The following FCSK variants were observed in gnomAD, a reference collection of about 807,000 sequenced individuals.
FCSK encodes fucose kinase, also known as L-fucose kinase.
FCSK carries 123 observed loss-of-function variants against 122.5 expected under a neutral mutation model. That is an observed-to-expected ratio of 1.00 (90% CI 0.87 to 1.17). The LOEUF is 1.17. FCSK is among the 50% of genes most tolerant of loss of function. FCSK has a pLI of 0.00. For missense variants in FCSK, 1,366 were observed against 1,450.4 expected (o/e 0.94, Z 0.95); for synonymous variants, 620 against 625.5 (o/e 0.99, Z 0.13).
At chr16:70,462,806 G>A (rs943047246) in intron 1 of FCSK, among the ~76,000 whole-genome samples, 8 of 150,960 alleles carry the variant, frequency 5.3e-5, no homozygotes, top group East Asian at 3.9e-4. Flanking sequence ...CGCCACACCC[G>A]GCTAATTTTT....
At chr16:70,478,229 T>C (rs370160158) in intron 20 of FCSK, 43 bp from the exon 21 acceptor site, 2 of 1,599,046 alleles carry the variant, frequency 1.3e-6, no homozygotes, top group African/African-American at 2.7e-5. Context: ...AGAGTGAAGC[T>C]GGGCCAGATA....
In FCSK at chr16:70,475,732, A is replaced by C; in HGVS notation, c.2606A>C (p.His869Pro). Reference protein sequence around the residue: ...GRVVGTEALIHAVLHLEQVLT... With the variant: ...GRVVGTEALIPAVLHLEQVLT... The stretch of plus-strand genomic sequence containing the variant: ...GTGGTGGGCACGGAAGCCCTGATCC[A>C]CGCAGTGCTGCACCTGGAGCAGGTG... The change falls in exon 20 of 24, where the codon CAC (histidine) becomes CCC (proline). Residue 869 changes from histidine to proline, a missense_variant. Physicochemically the swap from His to Pro is moderately conservative, Grantham distance 77. Coordinates refer to ENST00000288078, the MANE Select transcript of FCSK (RefSeq NM_145059.3). 5.0e-6 allele frequency: 8 copies of C among 1,602,590 alleles called. No individual in the cohort carries two copies. Among genetic ancestry groups the C allele is most frequent in the Non-Finnish European group, 6.8e-6 (8 of 1,174,928 alleles).
At chr16:70,471,969 C>A (rs1233762231) in intron 13 of FCSK, among the ~76,000 whole-genome samples, 1 of 152,102 alleles carries the variant, frequency 6.6e-6, no homozygotes, top group Admixed American at 6.6e-5. Flanking sequence ...CCACGCCTGG[C>A]AAATTTTTTT....
In FCSK at chr16:70,478,425, C is replaced by T; in HGVS notation, c.2795C>T (p.Thr932Ile). The T allele has an allele frequency of 6.2e-7, 1 of 1,614,146 alleles. No individual in the cohort carries two copies. Among genetic ancestry groups the T allele is most frequent in the Non-Finnish European group, 8.5e-7 (1 of 1,180,048 alleles). The change falls in exon 21 of 24, where the codon ACT becomes ATT. Residue 932 changes from threonine (T) to isoleucine (I), a missense_variant. Physicochemically the swap from Thr to Ile is moderately conservative, Grantham distance 89. Coordinates refer to ENST00000288078, the MANE Select transcript of FCSK (RefSeq NM_145059.3). ...KLNDHLLLVY[T>I]GKTRLARNLL... Reference sequence around the variant, plus strand: ...AATGACCACCTGCTCTTGGTGTACACTGGCAAGACCCGCCTGGCTCGGAAC... The same window carrying T: ...AATGACCACCTGCTCTTGGTGTACATTGGCAAGACCCGCCTGGCTCGGAAC...
At position 70,463,723 on chromosome 16, in the gene FCSK, C is replaced by T; in HGVS notation, c.183C>T (p.Leu61=). Residue 61 remains leucine (L), a synonymous_variant, in exon 3 of 24, where the codon CTC becomes CTT. Coordinates refer to ENST00000288078, the MANE Select transcript of FCSK (RefSeq NM_145059.3). Reference sequence around the variant, plus strand: ...GTGTGGGCAGCGGAGGAGCCACCCTCAACGCCCTGCTGGTGGCTGCTGAAC... The same window carrying T: ...GTGTGGGCAGCGGAGGAGCCACCCTTAACGCCCTGCTGGTGGCTGCTGAAC... The part of the protein sequence containing the change: ...EKRVGSGGAT[L]NALLVAAEHL... The T allele has an allele frequency of 1.2e-6, 2 of 1,612,640 alleles. No individual in the cohort carries two copies. Among genetic ancestry groups the T allele is most frequent in the Non-Finnish European group, 1.7e-6 (2 of 1,179,968 alleles).
intron 22 of FCSK, 137 bp from the exon 23 acceptor site, chr16:70,479,043 T>G: frequency 1.4e-6 from 1 of 712,040 alleles, no homozygotes; most frequent in East Asian, 2.7e-5. Flanking sequence ...GGGTTACTCC[T>G]GGCTCCAGCC....
At chr16:70,464,792 C>T (rs1291545934) in intron 3 of FCSK, among the ~76,000 whole-genome samples, 2 of 151,894 alleles carry the variant, frequency 1.3e-5, no homozygotes, top group South Asian at 2.1e-4. Context: ...GTGGGAGGCT[C>T]GCTTGAGCCC....
At position 70,471,021 on chromosome 16, in the gene FCSK, G is replaced by C. The variant is rs375278651; in HGVS notation, c.1119G>C (p.Glu373Asp). The C allele has an allele frequency of 6.2e-7, 1 of 1,602,856 alleles. No individual in the cohort carries two copies. The highest frequency in any genetic ancestry group is 1.1e-5 in the South Asian group (1 of 89,404). Residue 373 changes from glutamate (E) to aspartate (D), a missense_variant, in exon 12 of 24, where the codon GAG becomes GAC. Glu to Asp is a conservative substitution (Grantham distance 45). Coordinates refer to ENST00000288078, the MANE Select transcript of FCSK (RefSeq NM_145059.3). ...AGSSVVSCLL[E>D]GPVQLGPGSV... Reference sequence around the variant, plus strand: ...GCTCTGTGGTCAGCTGCCTGCTGGAGGGCCCTGTCCAGCTGGGTCCTGGGA... The same window carrying C: ...GCTCTGTGGTCAGCTGCCTGCTGGACGGCCCTGTCCAGCTGGGTCCTGGGA...
chr16:70,472,538 C>T lies in FCSK; in HGVS notation c.1342-3C>T. ...GCCCTGACTGCTTCTTCCTCTCCCCCAGAGACAGGGGGCAGGCACATATCT... is the reference window on the plus strand; with the variant it reads ...GCCCTGACTGCTTCTTCCTCTCCCCTAGAGACAGGGGGCAGGCACATATCT... On this transcript the variant is annotated splice_region_variant and splice_polypyrimidine_tract_variant and intron_variant, in intron 13 of 23. Coordinates refer to ENST00000288078, the MANE Select transcript of FCSK (RefSeq NM_145059.3). 1.9e-6 allele frequency: 3 copies of T among 1,611,796 alleles called. No individual in the cohort carries two copies. Among genetic ancestry groups the T allele is most frequent in the Non-Finnish European group, 1.7e-6 (2 of 1,178,824 alleles).
Position 70,468,853 on chromosome 16 carries a change from CTG to C in FCSK, c.669_670del (p.Val225CysfsTer42), listed in dbSNP as rs781367500. On this transcript the variant is annotated frameshift_variant, in exon 9 of 24. Coordinates refer to ENST00000288078, the MANE Select transcript of FCSK (RefSeq NM_145059.3). LOFTEE classifies it high-confidence loss of function. ...TCCTTTTGGGGTCCCTTCCAGGTCT[CTG>C]GGGTTGTCTTCTTCTCTGTGGAGAC... is the stretch of plus-strand genomic sequence containing the variant. The C allele has an allele frequency of 1.1e-5, 18 of 1,613,932 alleles. No individual in the cohort carries two copies. The South Asian group carries it at 1.2e-4, about 11-fold the overall frequency.
Position 70,473,715 on chromosome 16 carries a change from C to T in FCSK, c.1777+362C>T, listed in dbSNP as rs532674092. 6.6e-6 allele frequency among the ~76,000 whole-genome samples: 1 copy of T among 152,278 alleles called. No homozygotes were observed. The highest frequency in any genetic ancestry group is 2.4e-5 in the African/African-American group (1 of 41,548). The stretch of plus-strand genomic sequence containing the variant: ...GGACATGGTCATCTCTGCATGAGGT[C>T]CCAAGCACACTTCCGGGGGCTCACA... On this transcript the variant is annotated intron_variant, in intron 15 of 23. Coordinates refer to ENST00000288078, the MANE Select transcript of FCSK (RefSeq NM_145059.3). This position sits in a 1 kb window ranked among gnomAD's most constrained non-coding sequence, Gnocchi z 4.9.
chr16:70,471,141 G>A (rs778827411), intron 12 of FCSK, 41 bp from the exon 13 acceptor site: 19 of 1,591,940 alleles, frequency 1.2e-5, no homozygotes, highest in South Asian at 1.1e-4. Context: ...GGGGGTGTTG[G>A]GTGCCTGCCC....
chr16:70,466,317 G>C (rs1448677156), intron 5 of FCSK, 60 bp downstream of exon 5: 1 of 1,598,704 alleles, frequency 6.3e-7, no homozygotes, highest in African/African-American at 1.3e-5. Flanking sequence ...CCCTCCCACT[G>C]TTCCCCCAGG....
At position 70,463,251 on chromosome 16, in the gene FCSK, A is replaced by G; in HGVS notation, c.61A>G (p.Ser21Gly). 6.2e-7 allele frequency: 1 copy of G among 1,613,960 alleles called. No homozygotes were observed. The highest frequency in any genetic ancestry group is 1.7e-5 in the Admixed American group (1 of 60,006). The part of the protein sequence containing the change: ...VIILTCQYKD[S>G]VQVFQRELEV... ...CATCCTGACCTGCCAGTACAAGGACAGTGTCCAGGTCTTTCAGAGAGGTAG... is the reference window on the plus strand; with the variant it reads ...CATCCTGACCTGCCAGTACAAGGACGGTGTCCAGGTCTTTCAGAGAGGTAG... Residue 21 changes from serine (S) to glycine (G), a missense_variant, in exon 2 of 24, where the codon AGT becomes GGT. Transcript: ENST00000288078.
At chr16:70,467,315 G>A in intron 6 of FCSK, 59 bp from the exon 7 acceptor site, 2 of 1,250,354 alleles carry the variant, frequency 1.6e-6, no homozygotes, top group East Asian at 5.0e-5. Flanking sequence ...CCACCTGGTG[G>A]GGAAATCCGT....
At chr16:70,469,017 CTGTG>C in intron 9 of FCSK, 49 bp downstream of exon 9, 1 of 1,608,982 alleles carries the variant, frequency 6.2e-7, no homozygotes, top group South Asian at 1.1e-5. Context: ...GGGCGAGGCA[CTGTG>C]TGACCTCAGG....
At chr16:70,466,829 A>G in intron 5 of FCSK, 53 bp from the exon 6 acceptor site, 1 of 1,510,918 alleles carries the variant, frequency 6.6e-7, no homozygotes, top group East Asian at 2.3e-5. Flanking sequence ...AGGAGGGGGC[A>G]GGTGAAGGCC....
At chr16:70,469,398 G>A in intron 10 of FCSK, 75 bp downstream of exon 10, 2 of 1,413,018 alleles carry the variant, frequency 1.4e-6, no homozygotes, top group Admixed American at 2.2e-5. Context: ...GCTGCTCACT[G>A]CATGCTGGGC....
At chr16:70,476,376 G>C in intron 20 of FCSK, 1 of 153,362 alleles carries the variant, frequency 6.5e-6, no homozygotes, top group Non-Finnish European at 1.4e-5. Context: ...GCTGTGCTGG[G>C]GTAGGGCTGG....
Sources: gnomAD v4.1 joint callset for allele counts (sites outside exome capture counted in the v4.1 genomes callset) on GRCh38, gnomAD v4.1.1 for gene constraint, Gnocchi (gnomAD v3.1) non-coding constraint, MANE v1.5 for transcripts, NCBI Gene and HGNC (gene_info 2026-07-23, HGNC 2026-07-21) for gene names.